The following NDUFAF6 variants were observed in gnomAD, a reference collection of about 807,000 sequenced individuals.
The protein encoded by NDUFAF6 is NADH dehydrogenase (ubiquinone) complex I, assembly factor 6.
A neutral mutation model predicts 40.8 loss-of-function variants in NDUFAF6; 45 were observed. The observed-to-expected ratio is 1.10, with a 90% CI of 0.87 to 1.42. The LOEUF (loss-of-function observed/expected upper bound fraction) is 1.42, where lower values mean the gene tolerates loss of function less well. NDUFAF6 is among the 40% of genes most tolerant of loss of function. The probability of loss-of-function intolerance (pLI) is 0.00; values close to 1 mark genes in which losing one functional copy is unlikely to be tolerated. For synonymous variants in NDUFAF6, 185 were observed against 155.9 expected (o/e 1.19, Z -1.39); for missense variants, 435 against 418.5 (o/e 1.04, Z -0.34).
At chr8:94,968,923 C>T (rs1282679681) in intron 1 of NDUFAF6, among the ~76,000 whole-genome samples, 1 of 152,168 alleles carries the variant, frequency 6.6e-6, no homozygotes, top group African/African-American at 2.4e-5. Context: ...TCAAAGATGA[C>T]TGCAAGCCTT....
At chr8:95,035,409 A>G in intron 2 of NDUFAF6, 45 bp from the exon 3 acceptor site, 1 of 1,607,300 alleles carries the variant, frequency 6.2e-7, no homozygotes, top group South Asian at 1.1e-5. Context: ...GATTTTTTAG[A>G]CAGTAGACAA....
intron 1 of NDUFAF6, among the ~76,000 whole-genome samples, chr8:94,934,795 CAA>C (rs1382129588): frequency 6.6e-6 from 1 of 152,118 alleles, no homozygotes; most frequent in African/African-American, 2.4e-5. Context: ...AGCAACTCCA[CAA>C]AGTTATATTT....
intron 1 of NDUFAF6, chr8:94,941,064 A>C (rs547022823): frequency 7.6e-5 from 51 of 672,168 alleles, no homozygotes; most frequent in Non-Finnish European, 1.2e-4. Context: ...TATTCAACTT[A>C]GGTGAAAAGC....
At chr8:95,035,804 A>G (rs1414279443) in intron 3 of NDUFAF6, among the ~76,000 whole-genome samples, 1 of 152,254 alleles carries the variant, frequency 6.6e-6, no homozygotes, top group East Asian at 1.9e-4. Flanking sequence ...AGGAAGAATT[A>G]GTCTCTACAT....
At chr8:94,979,369 T>C (rs145191313) in intron 1 of NDUFAF6, among the ~76,000 whole-genome samples, 1 of 152,172 alleles carries the variant, frequency 6.6e-6, no homozygotes, top group East Asian at 1.9e-4. Flanking sequence ...CTCACTTCCT[T>C]GAGGAATGCT....
chr8:94,941,046 A>G, intron 1 of NDUFAF6: 1 of 767,698 alleles, frequency 1.3e-6, no homozygotes, highest in Non-Finnish European at 2.2e-6. Flanking sequence ...TAAAGTGCAC[A>G]GGGTGCTTAT....
chr8:94,915,828 C>G (rs1413817243), intron 1 of NDUFAF6, among the ~76,000 whole-genome samples: 1 of 152,108 alleles, frequency 6.6e-6, no homozygotes, highest in Non-Finnish European at 1.5e-5. Flanking sequence ...AAGTTTCTGT[C>G]TAGGAACTGG....
At chr8:95,038,920 C>T (rs573442289) in intron 3 of NDUFAF6, among the ~76,000 whole-genome samples, 3 of 149,386 alleles carry the variant, frequency 2.0e-5, no homozygotes, top group Admixed American at 6.6e-5. Flanking sequence ...CTGCCTGCCT[C>T]GGCCTCCCAA....
intron 1 of NDUFAF6, among the ~76,000 whole-genome samples, chr8:94,917,060 G>A (rs1427765533): frequency 1.4e-5 from 2 of 143,602 alleles, no homozygotes; most frequent in African/African-American, 2.6e-5. Flanking sequence ...GCAGTGATCC[G>A]AGACCACACC....
chr8:94,981,857 G>A (rs1431366159), intron 2 of NDUFAF6, among the ~76,000 whole-genome samples: 2 of 151,842 alleles, frequency 1.3e-5, no homozygotes, highest in East Asian at 3.9e-4. Flanking sequence ...GAGCCCAGGA[G>A]GTCAAGGCTG....
At chr8:94,965,288 G>T (rs1823924143) in intron 1 of NDUFAF6, among the ~76,000 whole-genome samples, 1 of 152,220 alleles carries the variant, frequency 6.6e-6, no homozygotes, top group South Asian at 2.1e-4. Context: ...TCCAACAGGT[G>T]CAAAGACAGT....
intron 7 of NDUFAF6, 149 bp downstream of exon 7, chr8:95,048,707 T>C (rs1205445358): frequency 4.3e-6 from 3 of 703,738 alleles, no homozygotes; most frequent in Non-Finnish European, 7.5e-6. Context: ...GAGTCTGTTG[T>C]AAACTTTTTT....
At position 95,057,947 on chromosome 8, in the gene NDUFAF6, A is replaced by G. The variant is rs775698110; in HGVS notation, c.*10A>G. On this transcript the variant is annotated 3_prime_UTR_variant, in exon 9 of 9. Coordinates refer to ENST00000396124, the MANE Select transcript of NDUFAF6 (RefSeq NM_152416.4). ...GAGAAAAACATATTAAAATAATTTC[A>G]TGGCATTGATGTTAATTCTAGTCTA... The G allele has an allele frequency of 1.3e-6, 2 of 1,516,832 alleles. No individual in the cohort carries two copies. The highest frequency in any genetic ancestry group is 2.3e-5 in the East Asian group (1 of 44,326). 94.0% of individuals were successfully genotyped at this position (1,516,832 alleles called of 1,614,324 possible). A position where few individuals can be genotyped will look rare whatever the true frequency, so the allele number is the denominator to read the frequency against.
At chr8:95,107,075 G>T (rs528463853), downstream of NDUFAF6, among the ~76,000 whole-genome samples, 1 of 152,316 alleles carries the variant, frequency 6.6e-6, no homozygotes, top group South Asian at 2.1e-4. Flanking sequence ...AGACAGTGTG[G>T]TGATTCCTCA....
At chr8:95,097,002 T>C (rs1227603477), upstream of NDUFAF6, among the ~76,000 whole-genome samples, 1 of 152,192 alleles carries the variant, frequency 6.6e-6, no homozygotes, top group Non-Finnish European at 1.5e-5. Context: ...TCAGCAGCAA[T>C]ACTGGTGGGA....
intron 2 of NDUFAF6, among the ~76,000 whole-genome samples, chr8:95,088,689 TTGTGTGTGTGTG>T (rs545260109): frequency 4.2e-5 from 6 of 142,378 alleles, no homozygotes; most frequent in East Asian, 2.0e-4. Flanking sequence ...TTTTGGGGTT[TTGTGTGTGTGTG>T]TGTGTGTGTG....
At chr8:94,965,805 G>C (rs1823967654) in intron 1 of NDUFAF6, among the ~76,000 whole-genome samples, 1 of 152,238 alleles carries the variant, frequency 6.6e-6, no homozygotes, top group Non-Finnish European at 1.5e-5. Context: ...CAGGGATGGA[G>C]ACAGGTGATG....
At chr8:95,113,351 C>T (rs896779086) in intron 4 of NDUFAF6, among the ~76,000 whole-genome samples, 10 of 152,158 alleles carry the variant, frequency 6.6e-5, no homozygotes, top group Non-Finnish European at 1.3e-4. Flanking sequence ...CATTCAGTCC[C>T]CACTGGAGCT....
At chr8:94,922,925 A>C (rs1002285179) in intron 1 of NDUFAF6, among the ~76,000 whole-genome samples, 1 of 152,186 alleles carries the variant, frequency 6.6e-6, no homozygotes, top group Non-Finnish European at 1.5e-5. Context: ...CTGGCACTTG[A>C]GCTCGTACCC....
Sources: allele counts gnomAD v4.1 joint callset (sites outside exome capture counted in the v4.1 genomes callset), GRCh38; gene constraint gnomAD v4.1.1; transcripts MANE v1.5; gene names NCBI Gene and HGNC (gene_info 2026-07-23, HGNC 2026-07-21).